OPTN: variants seen among roughly 807,000 people sequenced by gnomAD.
OPTN encodes E3-14.7K-interacting protein.
OPTN carries 54 observed loss-of-function variants against 70.4 expected under a neutral mutation model. That is an observed-to-expected ratio of 0.77 (90% CI 0.62 to 0.96). The LOEUF (loss-of-function observed/expected upper bound fraction) is 0.96. OPTN is among the 40% of genes least tolerant of loss of function. The pLI is 0.00. For synonymous variants in OPTN, 256 were observed against 248.5 expected, an observed-to-expected ratio of 1.03 and a Z score of -0.28; for missense variants, 624 against 673.2, an observed-to-expected ratio of 0.93 and a Z score of 0.81.
intron 1 of OPTN, among the ~76,000 whole-genome samples, chr10:13,102,528 C>G (rs1023391498): frequency 6.6e-6 from 1 of 152,346 alleles, no homozygotes; most frequent in East Asian, 1.9e-4. Flanking sequence ...CCTGGGGATA[C>G]AGCAGTGGAC....
chr10:13,110,094 G>C, intron 3 of OPTN, 180 bp from the exon 4 acceptor site: 9 of 1,082,756 alleles, frequency 8.3e-6, no homozygotes, highest in Non-Finnish European at 1.2e-5. Context: ...TGTTCATCCC[G>C]CTAGTCTTTT....
At chr10:13,135,401 C>G (rs74122507) in intron 14 of OPTN, among the ~76,000 whole-genome samples, 3 of 151,774 alleles carry the variant, frequency 2.0e-5, no homozygotes, top group Non-Finnish European at 2.9e-5. Context: ...TCCTTGTTAA[C>G]TTTATGTAGA....
chr10:13,108,871 T>C (rs1564354522), intron 2 of OPTN: 4 of 494,136 alleles, frequency 8.1e-6, no homozygotes, highest in Non-Finnish European at 1.5e-5. Flanking sequence ...TATACACCCA[T>C]ACACACACAC....
In OPTN at chr10:13,137,350, A is replaced by G. The variant is rs1833721565; in HGVS notation, c.*484A>G. On this transcript the variant is annotated 3_prime_UTR_variant, in exon 15 of 15. Coordinates refer to ENST00000378747, the MANE Select transcript of OPTN (RefSeq NM_001008212.2). The stretch of plus-strand genomic sequence containing the variant: ...AAGAAAAGGTACCTGTTCTACGTAG[A>G]ACACCTTTGGTGGAGTTCCATCAAC... 1.1e-5 allele frequency: 3 copies of G among 277,266 alleles called. No homozygotes were observed. The highest frequency in any genetic ancestry group is 9.5e-5 in the Admixed American group (2 of 21,002). 17.2% of individuals were successfully genotyped at this position (277,266 alleles called of 1,614,324 possible).
In OPTN at chr10:13,115,055, CTA is replaced by C. The variant is rs1564359221; in HGVS notation, c.553-1208_553-1207del. ...TATATATTTTTATATATAGATATAT[CTA>C]TATGTATATATATTTATATATATAG... On this transcript the variant is annotated intron_variant, in intron 5 of 14. Coordinates refer to ENST00000378747, the MANE Select transcript of OPTN (RefSeq NM_001008212.2). Among the ~76,000 whole-genome samples, 11 of 59,878 alleles carry C rather than the reference CTA, an allele frequency of 1.8e-4. 1 individual carries two copies. Among genetic ancestry groups the C allele is most frequent in the African/African-American group, 7.5e-4 (10 of 13,324 alleles). The allele number at this position is 59,878 out of a possible 152,430, so 39.3% of individuals were successfully genotyped here. A position where few individuals can be genotyped will look rare whatever the true frequency, so the allele number is the denominator to read the frequency against.
At chr10:13,124,164 T>C in intron 9 of OPTN, 54 bp downstream of exon 9, 1 of 957,318 alleles carries the variant, frequency 1.0e-6, no homozygotes, top group African/African-American at 1.6e-5. Flanking sequence ...TTTTACAAAG[T>C]ATACTACTAT....
chr10:13,107,949 A>G (rs1832903931), intron 1 of OPTN, among the ~76,000 whole-genome samples, 189 bp from the exon 2 acceptor site: 1 of 152,212 alleles, frequency 6.6e-6, no homozygotes, highest in Non-Finnish European at 1.5e-5. Flanking sequence ...ACACAGAAGC[A>G]GAGTGGGGAT....
chr10:13,105,633 G>A lies in OPTN; in HGVS notation c.-163-2505G>A, dbSNP rs1292278283. On this transcript the variant is annotated intron_variant, in intron 1 of 14. Coordinates refer to ENST00000378747, the MANE Select transcript of OPTN (RefSeq NM_001008212.2). ...GCATAAAAGGTCATGGAGGGGCCCGGCACCGTGGCTCAAGCCTGTAATTCC... is the reference window on the plus strand; with the variant it reads ...GCATAAAAGGTCATGGAGGGGCCCGACACCGTGGCTCAAGCCTGTAATTCC... Among the ~76,000 whole-genome samples, 3 of 152,306 alleles carry A rather than the reference G, an allele frequency of 2.0e-5. No homozygotes were observed. In the East Asian group the frequency reaches 5.8e-4, roughly 29 times the overall value.
rs754013605 is a variant in OPTN at position 13,110,472 on chromosome 10, C to T, written c.365C>T (p.Ser122Phe). Residue 122 changes from serine to phenylalanine, a missense_variant, in exon 4 of 15, where the codon TCT (serine) becomes TTT (phenylalanine). By Grantham distance (155) the Ser-to-Phe change is radical. Transcript: ENST00000378747. ...CTAAAAGGGAAATCAGAAAGGTCAT[C>T]TGAGGTGAGCAGACCGATCCATTGT... ...GKLKGKSERS[S>F]EDPTDDSRLP... is the part of the protein sequence containing the mutation. 4 of 1,612,066 alleles carry T rather than the reference C, an allele frequency of 2.5e-6. No homozygotes were observed. In the South Asian group the frequency reaches 3.3e-5, roughly 13 times the overall value.
intron 6 of OPTN, among the ~76,000 whole-genome samples, chr10:13,117,439 G>GTTTT (rs1168488076): frequency 1.5e-4 from 5 of 32,744 alleles, no homozygotes; most frequent in African/African-American, 2.6e-4. Flanking sequence ...TTGAGATGGA[G>GTTTT]TTTTTTTTTT....
chr10:13,116,594 GA>G, intron 6 of OPTN: 1 of 539,222 alleles, frequency 1.9e-6, no homozygotes, highest in South Asian at 2.0e-5. Flanking sequence ...TCCAGCAGAT[GA>G]AAAGTGAAAG....
Position 13,133,587 on chromosome 10 carries a change from TC to T in OPTN, c.1612+9del. The T allele has an allele frequency of 6.2e-7, 1 of 1,612,466 alleles. No individual in the cohort carries two copies. Among genetic ancestry groups the T allele is most frequent in the Non-Finnish European group, 8.5e-7 (1 of 1,178,624 alleles). On this transcript the variant is annotated splice_region_variant and intron_variant, in intron 14 of 14. Transcript: ENST00000378747. ...GGCTTACCTTGTTCAAAGAGGTGAG[TC>T]CCGTGTGATCCTGGATTTTCAGGAA...
intron 5 of OPTN, among the ~76,000 whole-genome samples, chr10:13,115,513 TAATATATTCTATAATATATAATATAG>T: frequency 9.9e-6 from 1 of 100,718 alleles, no homozygotes; most frequent in Non-Finnish European, 1.7e-5. Flanking sequence ...AGAATATATA[TAATATATTCTATAATATATAATATAG>T]AATATATTAT....
intron 7 of OPTN, among the ~76,000 whole-genome samples, chr10:13,120,923 C>A (rs1330698832): frequency 6.6e-6 from 1 of 152,198 alleles, no homozygotes; most frequent in African/African-American, 2.4e-5. Flanking sequence ...GAAGGGGAAG[C>A]AAGGCACCTT....
At chr10:13,104,620 C>G in intron 1 of OPTN, 1 of 682,346 alleles carries the variant, frequency 1.5e-6, no homozygotes, top group South Asian at 1.4e-5. Context: ...CTCGTATTAC[C>G]ACCATTCCAG....
intron 6 of OPTN, 101 bp downstream of exon 6, chr10:13,116,441 CTTCT>C (rs1833212180): frequency 3.7e-6 from 3 of 802,000 alleles, no homozygotes. Flanking sequence ...GAGGAAGTAA[CTTCT>C]TTATGATTTA....
intron 14 of OPTN, among the ~76,000 whole-genome samples, chr10:13,135,223 G>A (rs545644813): frequency 6.6e-6 from 1 of 152,274 alleles, no homozygotes; most frequent in South Asian, 2.1e-4. Context: ...GGTCAGAACA[G>A]AGAGATGCCC....
intron 1 of OPTN, among the ~76,000 whole-genome samples, chr10:13,104,059 C>T (rs992474668): frequency 6.6e-6 from 1 of 152,134 alleles, no homozygotes; most frequent in African/African-American, 2.4e-5. Flanking sequence ...TAATGTATCT[C>T]TGTCTTTCCT....
In OPTN at chr10:13,125,969, T is replaced by C. The variant is rs1833450047; in HGVS notation, c.1172T>C (p.Met391Thr). ...AGGTCCAAATTAACTGTGCTACAGA[T>C]GACACACAACAAGCTTCTTCAAGAA... The part of the protein sequence containing the change: ...DEKSKLTVLQ[M>T]THNKLLQEHN... The change falls in exon 11 of 15, where the codon ATG becomes ACG. Residue 391 changes from methionine (M) to threonine (T), a missense_variant. Met to Thr is a moderately conservative substitution (Grantham distance 81). Coordinates refer to ENST00000378747, the MANE Select transcript of OPTN (RefSeq NM_001008212.2). 1 of 1,611,414 alleles carries C rather than the reference T, an allele frequency of 6.2e-7. No individual in the cohort carries two copies. The highest frequency in any genetic ancestry group is 1.1e-5 in the South Asian group (1 of 90,994).
Sources: gnomAD v4.1 joint callset for allele counts (sites outside exome capture counted in the v4.1 genomes callset) on GRCh38, gnomAD v4.1.1 for gene constraint, MANE v1.5 for transcripts, NCBI Gene and HGNC (gene_info 2026-07-23, HGNC 2026-07-21) for gene names.